Variants in MYOF observed in about 807,000 individuals in gnomAD.
The protein encoded by MYOF is myoferlin, also known as fer-1-like 3, myoferlin.
MYOF carries 244 observed loss-of-function variants against 284.2 expected under a neutral mutation model. The observed-to-expected ratio is 0.86, with a 90% CI of 0.77 to 0.95. The LOEUF is 0.95. Ranked by LOEUF, MYOF falls within the 40% of genes least tolerant of loss-of-function variation. The pLI is 0.00. For missense variants in MYOF, 2,496 were observed against 2,560.6 expected, an observed-to-expected ratio of 0.97 and a Z score of 0.54; for synonymous variants, 904 against 919.7, an observed-to-expected ratio of 0.98 and a Z score of 0.31.
At chr10:93,453,446 G>A (rs950742309) in intron 2 of MYOF, among the ~76,000 whole-genome samples, 1 of 151,918 alleles carries the variant, frequency 6.6e-6, no homozygotes, top group Non-Finnish European at 1.5e-5. Context: ...TTATAGGCGT[G>A]AGCCACCGCA....
chr10:93,310,696 T>C, intron 51 of MYOF, 53 bp from the exon 52 acceptor site: 1 of 1,538,556 alleles, frequency 6.5e-7, no homozygotes, highest in South Asian at 1.1e-5. Flanking sequence ...CACAAATATT[T>C]TTACTTCAAC....
At position 93,400,938 on chromosome 10, in the gene MYOF, C is replaced by T. The variant is rs532578298; in HGVS notation, c.1117+480G>A. Among the ~76,000 whole-genome samples, 16 of 150,214 alleles carry T rather than the reference C, an allele frequency of 1.1e-4. No individual in the cohort carries two copies. In the East Asian group the frequency reaches 2.0e-3, roughly 18 times the overall value. ...CAGTGGTGTGGCTCACGGCAACCTCCGCCTCCTGGGTTCAAGTGATTCTCA... is the reference window on the plus strand; with the variant it reads ...CAGTGGTGTGGCTCACGGCAACCTCTGCCTCCTGGGTTCAAGTGATTCTCA... On this transcript the variant is annotated intron_variant, in intron 12 of 53. Transcript: ENST00000359263.
At chr10:93,479,145 CTTT>C (rs1377635363) in intron 1 of MYOF, among the ~76,000 whole-genome samples, 1 of 144,352 alleles carries the variant, frequency 6.9e-6, no homozygotes, top group Non-Finnish European at 1.5e-5. Context: ...TGGCTTTTTC[CTTT>C]TTTTTTTTTT....
chr10:93,358,509 T>C (rs1039356441), intron 29 of MYOF, among the ~76,000 whole-genome samples: 17 of 152,356 alleles, frequency 1.1e-4, no homozygotes, highest in African/African-American at 2.6e-4. Flanking sequence ...CATATTTTCA[T>C]TGCAGCACTC....
At chr10:93,398,594 G>A (rs186254489) in intron 13 of MYOF, among the ~76,000 whole-genome samples, 19 of 152,208 alleles carry the variant, frequency 1.2e-4, no homozygotes, top group South Asian at 4.2e-4. Context: ...GAGGGTAAAC[G>A]ATTTGCCTGC....
At chr10:93,450,724 T>G (rs1384582856) in intron 3 of MYOF, among the ~76,000 whole-genome samples, 1 of 152,214 alleles carries the variant, frequency 6.6e-6, no homozygotes, top group East Asian at 1.9e-4. Context: ...TTATCCTAAA[T>G]TTTTGCTCTC....
At chr10:93,333,162 C>T (rs1843413797) in intron 43 of MYOF, 59 bp downstream of exon 43, 1 of 1,395,928 alleles carries the variant, frequency 7.2e-7, no homozygotes, top group Admixed American at 1.7e-5. Context: ...ATATTAGAGT[C>T]TTCATGCATG....
intron 4 of MYOF, among the ~76,000 whole-genome samples, chr10:93,428,454 C>A (rs1848693829): frequency 6.6e-6 from 1 of 151,926 alleles, no homozygotes; most frequent in African/African-American, 2.4e-5. Flanking sequence ...GATCCACCCA[C>A]CTCAGCCTCC....
intron 1 of MYOF, among the ~76,000 whole-genome samples, chr10:93,458,026 G>A (rs1282328856): frequency 6.6e-6 from 1 of 151,852 alleles, no homozygotes; most frequent in Non-Finnish European, 1.5e-5. Flanking sequence ...TTACAGGTAT[G>A]AGCCACTGCG....
chr10:93,456,739 G>A lies in MYOF; in HGVS notation c.144+143C>T, dbSNP rs2056752932. On this transcript the variant is annotated intron_variant, in intron 2 of 53. Coordinates refer to ENST00000359263, the MANE Select transcript of MYOF (RefSeq NM_013451.4). Reference sequence around the variant, plus strand: ...CTCCTTGAACTGCTCTGCTCTCTTGGTGAACACAAAGGGAAACGGAGTGGG... The same window carrying A: ...CTCCTTGAACTGCTCTGCTCTCTTGATGAACACAAAGGGAAACGGAGTGGG... The A allele has an allele frequency of 4.7e-6, 3 of 636,424 alleles. No individual in the cohort carries two copies. The South Asian group carries it at 6.1e-5, about 13-fold the overall frequency. 39.4% of individuals were successfully genotyped at this position (636,424 alleles called of 1,614,324 possible).
chr10:93,468,856 T>C (rs1462518665), intron 1 of MYOF, among the ~76,000 whole-genome samples: 2 of 152,094 alleles, frequency 1.3e-5, no homozygotes, highest in Non-Finnish European at 2.9e-5. Context: ...CAGTGGGGCC[T>C]GGGACAAGGA....
Position 93,409,606 on chromosome 10 carries a change from C to T in MYOF, c.567G>A (p.Arg189=), listed in dbSNP as rs765489049. 7 of 1,614,152 alleles carry T rather than the reference C, an allele frequency of 4.3e-6. No individual in the cohort carries two copies. Among genetic ancestry groups the T allele is most frequent in the Non-Finnish European group, 5.9e-6 (7 of 1,180,022 alleles). ...ARRLTKVKNS[R]RMLSNKPQDF... is the part of the protein sequence containing the mutation. Reference sequence around the variant, plus strand: ...CCTGTGGCTTATTTGACAGCATCCGCCGGCTGTTCTTTACTTTGGTGAGCC... The same window carrying T: ...CCTGTGGCTTATTTGACAGCATCCGTCGGCTGTTCTTTACTTTGGTGAGCC... The change falls in exon 6 of 54, where the codon CGG becomes CGA. Residue 189 remains arginine, a synonymous_variant. Transcript: ENST00000359263.
At chr10:93,329,001 C>A (rs58891282) in intron 44 of MYOF, 90 bp from the exon 45 acceptor site, 7 of 1,372,866 alleles carry the variant, frequency 5.1e-6, no homozygotes, top group Non-Finnish European at 6.9e-6. Context: ...CTCTTAGGTG[C>A]TCCCATATAG....
chr10:93,310,138 G>A lies in MYOF; in HGVS notation c.6029C>T (p.Thr2010Ile), dbSNP rs371439616. Residue 2010 changes from threonine (T) to isoleucine (I), a missense_variant, in exon 53 of 54, where the codon ACC becomes ATC. Physicochemically the swap from Thr to Ile is moderately conservative, Grantham distance 89. Transcript: ENST00000359263. ...NRPETSFLWF[T>I]NPCKTMKFIV... ...GAACTTCATGGTCTTGCATGGGTTG[G>A]TGAACCAGAGGAAGGAGGTTTCTGG... 4.3e-5 allele frequency: 70 copies of A among 1,614,066 alleles called. No individual in the cohort carries two copies. The highest frequency in any genetic ancestry group is 1.3e-4 in the Admixed American group (8 of 59,996).
intron 1 of MYOF, among the ~76,000 whole-genome samples, chr10:93,465,467 C>T (rs2056980810): frequency 6.6e-6 from 1 of 151,776 alleles, no homozygotes; most frequent in Non-Finnish European, 1.5e-5. Context: ...ACACAGTAAG[C>T]ACTAAACAAA....
In MYOF at chr10:93,335,977, A is replaced by G; in HGVS notation, c.4507T>C (p.Leu1503=). The part of the protein sequence containing the change: ...GLTDFSDTFK[L]YRGKSDENED... ...TTTTCATCCGACTTGCCTCGGTACAACTTGAACGTATCTGAGAAGTCTGTC... is the reference window on the plus strand; with the variant it reads ...TTTTCATCCGACTTGCCTCGGTACAGCTTGAACGTATCTGAGAAGTCTGTC... The change falls in exon 41 of 54, where the codon TTG becomes CTG. Residue 1503 remains leucine, a synonymous_variant. Transcript: ENST00000359263. The G allele has an allele frequency of 6.2e-7, 1 of 1,614,186 alleles. No homozygotes were observed. The highest frequency in any genetic ancestry group is 8.5e-7 in the Non-Finnish European group (1 of 1,180,036).
chr10:93,326,097 G>T, intron 45 of MYOF, 132 bp from the exon 46 acceptor site: 1 of 1,159,020 alleles, frequency 8.6e-7, no homozygotes, highest in Non-Finnish European at 1.2e-6. Flanking sequence ...TGCAAACTTT[G>T]ACTTGTGAAG....
At position 93,404,077 on chromosome 10, in the gene MYOF, GAAGA is replaced by G; in HGVS notation, c.793-8_793-5del. On this transcript the variant is annotated splice_polypyrimidine_tract_variant and splice_region_variant and intron_variant, in intron 8 of 53. Coordinates refer to ENST00000359263, the MANE Select transcript of MYOF (RefSeq NM_013451.4). ...GCAGAGAGTGAGAATTATAAACCTG[GAAGA>G]AAGAAGAGTAGTGAAGAAATGATTG... 1 of 1,614,150 alleles carries G rather than the reference GAAGA, an allele frequency of 6.2e-7. No homozygotes were observed. Among genetic ancestry groups the G allele is most frequent in the Non-Finnish European group, 8.5e-7 (1 of 1,180,008 alleles).
chr10:93,330,450 A>C (rs1365911596), intron 43 of MYOF, among the ~76,000 whole-genome samples: 1 of 152,080 alleles, frequency 6.6e-6, no homozygotes, highest in Non-Finnish European at 1.5e-5. Context: ...CACCCCACAG[A>C]AGCACAGGGG....
Sources: gnomAD v4.1 joint callset for allele counts (sites outside exome capture counted in the v4.1 genomes callset) on GRCh38, gnomAD v4.1.1 for gene constraint, MANE v1.5 for transcripts, NCBI Gene and HGNC (gene_info 2026-07-23, HGNC 2026-07-21) for gene names.